Variants in CARD14 observed in about 807,000 individuals in gnomAD.
CARD14 encodes caspase recruitment domain family member 14, also known as caspase recruitment domain-containing protein 14.
A neutral mutation model predicts 111.5 loss-of-function variants in CARD14; 107 were observed. The observed-to-expected ratio is 0.96, with a 90% CI of 0.82 to 1.13. CARD14 has a LOEUF of 1.13. CARD14 is among the 50% of genes most tolerant of loss of function. CARD14 has a pLI of 0.00. For synonymous variants in CARD14, 617 were observed against 579.6 expected, an observed-to-expected ratio of 1.06 and a Z score of -0.93; for missense variants, 1,322 against 1,362.3, an observed-to-expected ratio of 0.97 and a Z score of 0.47.
At chr17:80,192,294 A>G in intron 11 of CARD14, 1 of 521,166 alleles carries the variant, frequency 1.9e-6, no homozygotes, top group South Asian at 3.0e-5. Context: ...CTGTGTGTCC[A>G]GCTGGTTTCT....
rs753931625 is a variant in CARD14 at position 80,204,240 on chromosome 17, G to A, written c.2297G>A (p.Gly766Glu). The change falls in exon 20 of 24, where the codon GGA becomes GAA. Residue 766 changes from glycine to glutamate, a missense_variant. Coordinates refer to ENST00000648509, the MANE Select transcript of CARD14 (RefSeq NM_001366385.1). ...CTVTRKPSSGGPQKLVRIVSM... is the reference protein window; with the variant it reads ...CTVTRKPSSGEPQKLVRIVSM... ...TCCCTCCTTTAGCCATCTTCTGGGG[G>A]ACCACAGAAGCTGGTCCGCATCGTC... 6.3e-7 allele frequency: 1 copy of A among 1,589,926 alleles called. No homozygotes were observed. The highest frequency in any genetic ancestry group is 1.1e-5 in the South Asian group (1 of 89,594).
intron 2 of CARD14, among the ~76,000 whole-genome samples, chr17:80,176,721 C>T (rs139991599): frequency 1.4e-3 from 213 of 152,284 alleles, no homozygotes; most frequent in African/African-American, 4.8e-3. Flanking sequence ...ATTCTGAATA[C>T]GTTTTTAAAA....
At position 80,203,896 on chromosome 17, in the gene CARD14, A is replaced by C. The variant is rs9905662; in HGVS notation, c.2283+11A>C. The C allele has an allele frequency of 0.033, 52,004 of 1,587,916 alleles. 1,999 individuals are homozygous for C. Among genetic ancestry groups the C allele is most frequent in the African/African-American group, 0.19 (14,376 of 74,638 alleles). ...ACCGTGACCCGCAAGGTGAGGCTCC[A>C]GGGAGGGGCCTGGACCCCACTGGGG... On this transcript the variant is annotated intron_variant, in intron 19 of 23. Coordinates refer to ENST00000648509, the MANE Select transcript of CARD14 (RefSeq NM_001366385.1). The surrounding 1 kb of genome is among the most constrained non-coding windows in gnomAD (Gnocchi z 4.6).
rs2144120133 is a variant in CARD14, at chr17:80,178,658, G to A, written c.-219+3G>A. On this transcript the variant is annotated splice_donor_region_variant and intron_variant, in intron 3 of 23. Transcript: ENST00000648509. ...CAAAAGCAAACCTGAGAACCTTGGT[G>A]AGTACTTCCGGAGACCCGGCTCCTG... is the stretch of plus-strand genomic sequence containing the variant. 6.6e-6 allele frequency: 1 copy of A among 152,492 alleles called. No individual in the cohort carries two copies. Among genetic ancestry groups the A allele is most frequent in the Non-Finnish European group, 1.5e-5 (1 of 68,152 alleles). The allele number at this position is 152,492 out of a possible 1,614,324, so 9.4% of individuals were successfully genotyped here.
In CARD14 at chr17:80,188,693, C is replaced by T. The variant is rs1324059698; in HGVS notation, c.843+149C>T. 22 of 757,188 alleles carry T rather than the reference C, an allele frequency of 2.9e-5. No homozygotes were observed. Among genetic ancestry groups the T allele is most frequent in the Non-Finnish European group, 3.9e-5 (21 of 541,094 alleles). 46.9% of individuals were successfully genotyped at this position (757,188 alleles called of 1,614,324 possible). On this transcript the variant is annotated intron_variant, in intron 8 of 23. Transcript: ENST00000648509. This position sits in a 1 kb window ranked among gnomAD's most constrained non-coding sequence, Gnocchi z 4.5. ...ACTCATCTCACCCACTTTCTCTTTA[C>T]CTCCTTCCTTCCTGCTGTTCCCCAG...
At chr17:80,171,869 C>T (rs2039910500) in intron 1 of CARD14, among the ~76,000 whole-genome samples, 1 of 152,180 alleles carries the variant, frequency 6.6e-6, no homozygotes, top group African/African-American at 2.4e-5. Context: ...TTGTGAGGCT[C>T]GGGCAAGTCA....
chr17:80,203,886 G>T lies in CARD14; in HGVS notation c.2283+1G>T. 6.3e-7 allele frequency: 1 copy of T among 1,594,528 alleles called. No individual in the cohort carries two copies. The highest frequency in any genetic ancestry group is 1.1e-5 in the South Asian group (1 of 87,186). ...TCAGCAGTGCACCGTGACCCGCAAG[G>T]TGAGGCTCCAGGGAGGGGCCTGGAC... is the stretch of plus-strand genomic sequence containing the variant. On this transcript the variant is annotated splice_donor_variant, in intron 19 of 23. Coordinates refer to ENST00000648509, the MANE Select transcript of CARD14 (RefSeq NM_001366385.1). LOFTEE classifies it high-confidence loss of function. The surrounding 1 kb of genome is among the most constrained non-coding windows in gnomAD (Gnocchi z 4.6).
chr17:80,208,410 C>A lies in CARD14; in HGVS notation c.*65C>A. The stretch of plus-strand genomic sequence containing the variant: ...TGCCTGTTAATGCAGTCCTGTTCCT[C>A]AGCCCAGGCCCTCTTGGCACAGCTG... On this transcript the variant is annotated 3_prime_UTR_variant, in exon 24 of 24. Coordinates refer to ENST00000648509, the MANE Select transcript of CARD14 (RefSeq NM_001366385.1). 1 of 1,392,610 alleles carries A rather than the reference C, an allele frequency of 7.2e-7. No homozygotes were observed. The highest frequency in any genetic ancestry group is 9.7e-7 in the Non-Finnish European group (1 of 1,032,184). 86.3% of individuals were successfully genotyped at this position (1,392,610 alleles called of 1,614,324 possible).
chr17:80,207,060 A>G lies in CARD14; in HGVS notation c.2782A>G (p.Asn928Asp), dbSNP rs745449392. The G allele has an allele frequency of 6.2e-7, 1 of 1,613,948 alleles. No individual in the cohort carries two copies. Among genetic ancestry groups the G allele is most frequent in the South Asian group, 1.1e-5 (1 of 91,084 alleles). The change falls in exon 23 of 24, where the codon AAC (asparagine) becomes GAC (aspartate). Residue 928 changes from asparagine (N) to aspartate (D), a missense_variant. Coordinates refer to ENST00000648509, the MANE Select transcript of CARD14 (RefSeq NM_001366385.1). ...IFPIVIHVSV[N>D]EKMAKKLKKG... is the part of the protein sequence containing the mutation. ...CCCCATCGTCATCCACGTCTCTGTC[A>G]ACGAGAAGATGGCAAAGAAGCTCAA... is the stretch of plus-strand genomic sequence containing the variant.
intron 10 of CARD14, 66 bp from the exon 11 acceptor site, chr17:80,191,257 T>TCCTTCTCTAGCTGAGGCTCC: frequency 1.3e-6 from 2 of 1,569,330 alleles, no homozygotes; most frequent in Non-Finnish European, 1.7e-6. Context: ...AACAGGGCTC[T>TCCTTCTCTAGCTGAGGCTCC]CCTTCTCTAG....
In CARD14 at chr17:80,206,987, G is replaced by A. The variant is rs1455186252; in HGVS notation, c.2709G>A (p.Leu903=). The stretch of plus-strand genomic sequence containing the variant: ...CCACAAAGAACACCCATGCCCTCCT[G>A]GACGTCCAGCTGGACAGTGTCTGCA... ...SLMEKNTHAL[L]DVQLDSVCTL... Residue 903 remains leucine, a synonymous_variant, in exon 23 of 24, where the codon CTG becomes CTA. Coordinates refer to ENST00000648509, the MANE Select transcript of CARD14 (RefSeq NM_001366385.1). 2 of 1,611,902 alleles carry A rather than the reference G, an allele frequency of 1.2e-6. No individual in the cohort carries two copies. The highest frequency in any genetic ancestry group is 1.7e-6 in the Non-Finnish European group (2 of 1,178,830).
At position 80,195,662 on chromosome 17, in the gene CARD14, C is replaced by A. The variant is rs758274759; in HGVS notation, c.1594+10C>A. On this transcript the variant is annotated intron_variant, in intron 14 of 23. Coordinates refer to ENST00000648509, the MANE Select transcript of CARD14 (RefSeq NM_001366385.1). This position sits in a 1 kb window ranked among gnomAD's most constrained non-coding sequence, Gnocchi z 4.7. ...CTCCTAGACACGGCAGGTGAGCACG[C>A]CCAACCCTGAACCTCCACAGCAGTC... The A allele has an allele frequency of 2.5e-6, 4 of 1,607,606 alleles. No individual in the cohort carries two copies. Among genetic ancestry groups the A allele is most frequent in the Non-Finnish European group, 3.4e-6 (4 of 1,176,864 alleles).
chr17:80,183,802 G>A (rs2040249514), intron 6 of CARD14, 111 bp from the exon 7 acceptor site: 2 of 835,486 alleles, frequency 2.4e-6, no homozygotes, highest in Admixed American at 3.2e-5. Context: ...CCGCCCACAT[G>A]CTCACCTGCC....
Position 80,208,356 on chromosome 17 carries a change from C to A in CARD14, c.*11C>A. 6.3e-7 allele frequency: 1 copy of A among 1,579,414 alleles called. No individual in the cohort carries two copies. On this transcript the variant is annotated 3_prime_UTR_variant, in exon 24 of 24. Transcript: ENST00000648509. ...CAGAGCCCCCGATGATGCACCGTGC[C>A]CCTTCCCGGGACTGTGGGGGCTTCT... is the stretch of plus-strand genomic sequence containing the variant.
In CARD14 at chr17:80,194,081, C is replaced by G. The variant is rs139303693; in HGVS notation, c.1357-1110C>G. ...CTGGCTGCTCTAGGGGGACTGCCTC[C>G]TACTTCATGGGCTCTCTGCGTGCCA... On this transcript the variant is annotated intron_variant, in intron 12 of 23. Coordinates refer to ENST00000648509, the MANE Select transcript of CARD14 (RefSeq NM_001366385.1). Among the ~76,000 whole-genome samples the G allele has an allele frequency of 4.8e-3, 731 of 152,240 alleles. 4 individuals carry two copies. The highest frequency in any genetic ancestry group is 0.022 in the South Asian group (107 of 4,820).
At chr17:80,205,674 G>C (rs750832947) in intron 22 of CARD14, 22 bp downstream of exon 22, 1 of 1,518,348 alleles carries the variant, frequency 6.6e-7, no homozygotes, top group African/African-American at 1.4e-5. Context: ...GGCGGGGTGG[G>C]CAGGGGAGCT....
chr17:80,198,550 G>A lies in CARD14; in HGVS notation c.1810G>A (p.Ala604Thr). The A allele has an allele frequency of 6.2e-7, 1 of 1,613,130 alleles. No homozygotes were observed. Among genetic ancestry groups the A allele is most frequent in the Non-Finnish European group, 8.5e-7 (1 of 1,179,850 alleles). The stretch of plus-strand genomic sequence containing the variant: ...CCACCGGGTCACCCCGGGCTCGGCG[G>A]CGGACCAGATGGCCTTGCGCCCGGG... ...FIHRVTPGSAADQMALRPGTQ... is the reference protein window; with the variant it reads ...FIHRVTPGSATDQMALRPGTQ... Residue 604 changes from alanine to threonine, a missense_variant, in exon 16 of 24, where the codon GCG (alanine) becomes ACG (threonine). By Grantham distance (58) the Ala-to-Thr change is moderately conservative. Coordinates refer to ENST00000648509, the MANE Select transcript of CARD14 (RefSeq NM_001366385.1). This position sits in a 1 kb window ranked among gnomAD's most constrained non-coding sequence, Gnocchi z 7.5.
At position 80,195,024 on chromosome 17, in the gene CARD14, T is replaced by C. The variant is rs1188913933; in HGVS notation, c.1357-167T>C. Among the ~76,000 whole-genome samples the C allele has an allele frequency of 1.3e-5, 2 of 152,198 alleles. No homozygotes were observed. The highest frequency in any genetic ancestry group is 2.9e-5 in the Non-Finnish European group (2 of 68,026). ...TTGCATGTGACCCCAGTGTCTGGCA[T>C]ACAGCAGGTGCTCAGCGCATGTGAC... On this transcript the variant is annotated intron_variant, in intron 12 of 23. Coordinates refer to ENST00000648509, the MANE Select transcript of CARD14 (RefSeq NM_001366385.1). The surrounding 1 kb of genome is among the most constrained non-coding windows in gnomAD (Gnocchi z 4.7).
Position 80,191,435 on chromosome 17 carries a change from C to T in CARD14, c.1202C>T (p.Thr401Ile). 1 of 1,613,412 alleles carries T rather than the reference C, an allele frequency of 6.2e-7. No individual in the cohort carries two copies. The highest frequency in any genetic ancestry group is 8.5e-7 in the Non-Finnish European group (1 of 1,179,758). ...ELTDQVCELR[T>I]QLRQLQAEPP... The stretch of plus-strand genomic sequence containing the variant: ...ACGGACCAGGTCTGCGAGCTGCGCA[C>T]ACAGCTTCGCCAGCTGCAGGCAGAG... The change falls in exon 11 of 24, where the codon ACA becomes ATA. Residue 401 changes from threonine to isoleucine, a missense_variant. Transcript: ENST00000648509.
Sources: gnomAD v4.1 joint callset for allele counts (sites outside exome capture counted in the v4.1 genomes callset) on GRCh38, gnomAD v4.1.1 for gene constraint, Gnocchi (gnomAD v3.1) non-coding constraint, MANE v1.5 for transcripts, NCBI Gene and HGNC (gene_info 2026-07-23, HGNC 2026-07-21) for gene names.